The following LAMC3 variants were observed in gnomAD, a reference collection of about 807,000 sequenced individuals.
The protein encoded by LAMC3 is laminin subunit gamma 3, also known as laminin subunit gamma-3.
LAMC3 carries 128 observed loss-of-function variants against 173.8 expected under a neutral mutation model. The observed-to-expected ratio is 0.74, with a 90% CI of 0.64 to 0.85. LAMC3 has a LOEUF of 0.85. Among genes scored for constraint, LAMC3 ranks in the 40% least tolerant of loss-of-function variants. The pLI is 0.00. For missense variants in LAMC3, 2,022 were observed against 2,156.0 expected (o/e 0.94, Z 1.23); for synonymous variants, 897 against 909.1 (o/e 0.99, Z 0.24).
rs1358410217 is a variant in LAMC3 at position 131,067,200 on chromosome 9, G to A, written c.2588G>A (p.Cys863Tyr). The A allele has an allele frequency of 1.9e-6, 3 of 1,613,166 alleles. No homozygotes were observed. The highest frequency in any genetic ancestry group is 2.5e-6 in the Non-Finnish European group (3 of 1,179,484). ...CTGGCCCCTCGACCCGCAGACAAAT[G>A]CATGCGTGAGTACCTACCTCCAGAC... ...SALAPRPADK[C>Y]MPCSCHPQGS... The change falls in exon 14 of 28, where the codon TGC becomes TAC. Residue 863 changes from cysteine to tyrosine, a missense_variant. Transcript: ENST00000361069.
chr9:131,060,894 TC>T, intron 12 of LAMC3, 140 bp from the exon 13 acceptor site: 1 of 803,040 alleles, frequency 1.2e-6, no homozygotes, highest in Non-Finnish European at 2.1e-6. Flanking sequence ...GGACCCTCAA[TC>T]CCCAGGCCTT....
chr9:131,047,457 G>A (rs1035009084), intron 8 of LAMC3, among the ~76,000 whole-genome samples: 2 of 150,182 alleles, frequency 1.3e-5, no homozygotes, highest in African/African-American at 2.4e-5. Flanking sequence ...GTGAGCCACC[G>A]CACCCGGCCT....
chr9:131,017,650 G>A (rs1312033289), intron 1 of LAMC3, among the ~76,000 whole-genome samples: 2 of 146,484 alleles, frequency 1.4e-5, no homozygotes, highest in Non-Finnish European at 3.0e-5. Context: ...CGCTTGAACC[G>A]GAGGCAGAGG....
At position 131,068,931 on chromosome 9, in the gene LAMC3, C is replaced by T. The variant is rs1172194138; in HGVS notation, c.2771C>T (p.Ser924Phe). 6.2e-6 allele frequency: 10 copies of T among 1,613,942 alleles called. No individual in the cohort carries two copies. The highest frequency in any genetic ancestry group is 8.5e-6 in the Non-Finnish European group (10 of 1,180,010). ...CRSCKCHPLG[S>F]QEDQCHPKTG... is the part of the protein sequence containing the mutation. ...AGCTGCAAGTGTCACCCACTGGGCT[C>T]CCAGGAGGACCAGTGCCATCCCAAG... Residue 924 changes from serine (S) to phenylalanine (F), a missense_variant, in exon 16 of 28, where the codon TCC becomes TTC. Physicochemically the swap from Ser to Phe is radical, Grantham distance 155 (BLOSUM62 -2). Coordinates refer to ENST00000361069, the MANE Select transcript of LAMC3 (RefSeq NM_006059.4).
chr9:131,058,960 G>A (rs1829748601), intron 12 of LAMC3, among the ~76,000 whole-genome samples: 3 of 151,886 alleles, frequency 2.0e-5, no homozygotes, highest in African/African-American at 7.3e-5. Flanking sequence ...CACTTTGGGA[G>A]GCCAAGGCAG....
At chr9:131,079,079 C>T in intron 22 of LAMC3, 70 bp from the exon 23 acceptor site, 1 of 1,570,622 alleles carries the variant, frequency 6.4e-7, no homozygotes, top group Non-Finnish European at 8.7e-7. Flanking sequence ...CAGGGCACCT[C>T]CCCCAAGGAG....
intron 25 of LAMC3, among the ~76,000 whole-genome samples, chr9:131,086,840 A>G (rs1830340608): frequency 6.6e-6 from 1 of 151,560 alleles, no homozygotes; most frequent in South Asian, 2.1e-4. Context: ...CAGTCAGCCA[A>G]ACTGCACCAC....
chr9:131,018,905 G>GGTTT (rs1225956227), intron 1 of LAMC3, among the ~76,000 whole-genome samples: 1 of 152,170 alleles, frequency 6.6e-6, no homozygotes, highest in Non-Finnish European at 1.5e-5. Context: ...TGGAACCATA[G>GGTTT]GTTTGAGCGC....
intron 1 of LAMC3, among the ~76,000 whole-genome samples, chr9:131,012,550 C>T (rs1488951962): frequency 2.6e-5 from 4 of 152,244 alleles, no homozygotes; most frequent in Non-Finnish European, 4.4e-5. Flanking sequence ...TCTCTGTTTA[C>T]GCACAAGGGG....
chr9:131,021,736 G>A (rs1833628875), intron 1 of LAMC3, among the ~76,000 whole-genome samples: 1 of 152,130 alleles, frequency 6.6e-6, no homozygotes, highest in Non-Finnish European at 1.5e-5. Context: ...TAGGCCTCAC[G>A]AACTTCTGAC....
chr9:131,048,954 C>A, intron 8 of LAMC3, 66 bp from the exon 9 acceptor site: 1 of 990,278 alleles, frequency 1.0e-6, no homozygotes, highest in Non-Finnish European at 1.5e-6. Context: ...CCACCTGGGG[C>A]TGGCACCTGG....
At chr9:131,049,413 T>C (rs935210285) in intron 9 of LAMC3, among the ~76,000 whole-genome samples, 11 of 152,110 alleles carry the variant, frequency 7.2e-5, no homozygotes, top group African/African-American at 2.4e-4. Flanking sequence ...AGCTGAGTTT[T>C]TCTCACGCCC....
At position 131,085,489 on chromosome 9, in the gene LAMC3, C is replaced by A. The variant is rs935341342; in HGVS notation, c.4031-35C>A. 1.9e-6 allele frequency: 3 copies of A among 1,611,542 alleles called. No homozygotes were observed. In the African/African-American group the frequency reaches 4.0e-5, roughly 21 times the overall value. The stretch of plus-strand genomic sequence containing the variant: ...CTGGGAGGCACCGGAGGTGTGAGCC[C>A]AGTTCCCCTGACCCAGCCTCAGCCG... On this transcript the variant is annotated intron_variant, in intron 24 of 27. Transcript: ENST00000361069.
chr9:131,093,970 T>G lies in LAMC3; in HGVS notation c.*2183T>G, dbSNP rs113150447. 7.3e-3 allele frequency: 1,106 copies of G among 152,358 alleles called. 11 individuals are homozygous for G. The highest frequency in any genetic ancestry group is 0.041 in the South Asian group (200 of 4,826). The allele number at this position is 152,358 out of a possible 1,614,324, so 9.4% of individuals were successfully genotyped here. ...CTAGGACTACAGGTGCTTGCCACCA[T>G]GCCCAGCTAATTTTGGTATTTTTAG... On this transcript the variant is annotated 3_prime_UTR_variant, in exon 28 of 28. Transcript: ENST00000361069.
chr9:131,032,232 G>T, intron 3 of LAMC3, 57 bp downstream of exon 3: 1 of 532,406 alleles, frequency 1.9e-6, no homozygotes, highest in Non-Finnish European at 3.6e-6. Flanking sequence ...CCCGAGAGCG[G>T]AAGGTGGCTG....
chr9:131,009,639 G>C lies in LAMC3; in HGVS notation c.373+52G>C. On this transcript the variant is annotated intron_variant, in intron 1 of 27. Coordinates refer to ENST00000361069, the MANE Select transcript of LAMC3 (RefSeq NM_006059.4). This position sits in a 1 kb window ranked among gnomAD's most constrained non-coding sequence, Gnocchi z 4.3. ...CCGCACCCCGTGTCCCCACTCCACT[G>C]GGGGTCTGAGGCTGAGGCCTGAGCT... is the stretch of plus-strand genomic sequence containing the variant. 6.5e-7 allele frequency: 1 copy of C among 1,542,300 alleles called. No homozygotes were observed. The highest frequency in any genetic ancestry group is 8.7e-7 in the Non-Finnish European group (1 of 1,145,700).
intron 1 of LAMC3, among the ~76,000 whole-genome samples, chr9:131,013,375 G>C (rs1281159835): frequency 6.6e-6 from 1 of 152,120 alleles, no homozygotes; most frequent in Non-Finnish European, 1.5e-5. Flanking sequence ...AGAATCTCCT[G>C]GAACCACAAA....
rs765283753 is a variant in LAMC3, at chr9:131,039,027, C to T, written c.1140C>T (p.Cys380=). 1.2e-6 allele frequency: 2 copies of T among 1,613,570 alleles called. No individual in the cohort carries two copies. The highest frequency in any genetic ancestry group is 1.7e-6 in the Non-Finnish European group (2 of 1,179,982). The part of the protein sequence containing the change: ...NFYHWDPRMP[C]QPCDCQSAGS... ...ATCACTGGGACCCGCGGATGCCATG[C>T]CAGCCCTGTGACTGCCAGTCGGCAG... The change falls in exon 5 of 28, where the codon TGC becomes TGT. Residue 380 remains cysteine (C), a synonymous_variant. Coordinates refer to ENST00000361069, the MANE Select transcript of LAMC3 (RefSeq NM_006059.4).
chr9:131,087,667 A>C, intron 26 of LAMC3, 45 bp downstream of exon 26: 1 of 1,613,744 alleles, frequency 6.2e-7, no homozygotes, highest in East Asian at 2.2e-5. Flanking sequence ...TGCCCCTGGC[A>C]GCCCGGGTGG....
Sources: gnomAD v4.1 joint callset for allele counts (sites outside exome capture counted in the v4.1 genomes callset) on GRCh38, gnomAD v4.1.1 for gene constraint, Gnocchi (gnomAD v3.1) non-coding constraint, MANE v1.5 for transcripts, NCBI Gene and HGNC (gene_info 2026-07-23, HGNC 2026-07-21) for gene names.